Variants in GEMIN5 observed in about 807,000 individuals in gnomAD.
The protein encoded by GEMIN5 is gem-associated protein 5.
In GEMIN5, 124 loss-of-function variants were observed where a neutral mutation model predicts 176.9. That is an observed-to-expected ratio of 0.70 (90% CI 0.61 to 0.81). The LOEUF is 0.81. Among genes scored for constraint, GEMIN5 ranks in the 40% least tolerant of loss-of-function variants. The probability of loss-of-function intolerance (pLI) is 0.00; values close to 1 mark genes in which losing one functional copy is unlikely to be tolerated. For missense variants in GEMIN5, 1,843 were observed against 1,814.6 expected, an observed-to-expected ratio of 1.02 and a Z score of -0.28; for synonymous variants, 673 against 665.2, an observed-to-expected ratio of 1.01 and a Z score of -0.18.
chr5:154,918,508 T>A (rs548675737), intron 11 of GEMIN5, among the ~76,000 whole-genome samples: 1 of 152,298 alleles, frequency 6.6e-6, no homozygotes, highest in South Asian at 2.1e-4. Context: ...ATCTTTATTG[T>A]GAAGGGATTC....
chr5:154,915,912 C>T lies in GEMIN5; in HGVS notation c.1855+1086G>A, dbSNP rs76818494. Among the ~76,000 whole-genome samples, 278 of 151,690 alleles carry T rather than the reference C, an allele frequency of 1.8e-3. 4 individuals are homozygous for T. In the East Asian group the frequency reaches 0.024, roughly 13 times the overall value. On this transcript the variant is annotated intron_variant, in intron 13 of 27. Transcript: ENST00000285873. ...TACAAAAATTATTCATTCATGTTCA[C>T]GAAGATCTATGTATAAGGCAGTTTA...
At chr5:154,937,249 C>T in intron 1 of GEMIN5, 64 bp from the exon 2 acceptor site, 2 of 1,367,976 alleles carry the variant, frequency 1.5e-6, no homozygotes, top group East Asian at 2.4e-5. Context: ...CAGAATCATA[C>T]TGTTGTTGGA....
chr5:154,936,075 T>A (rs1003627932), intron 2 of GEMIN5, 53 bp from the exon 3 acceptor site: 99 of 1,127,536 alleles, frequency 8.8e-5, no homozygotes, highest in Middle Eastern at 4.5e-4. Flanking sequence ...TCTACTTAAT[T>A]TTTAACTTGT....
chr5:154,916,961 A>C (rs1029323779), intron 13 of GEMIN5, 37 bp downstream of exon 13: 25 of 1,207,406 alleles, frequency 2.1e-5, no homozygotes, highest in Non-Finnish European at 2.7e-5. Flanking sequence ...AGCTGAACAA[A>C]CGATATCATC....
intron 22 of GEMIN5, 119 bp from the exon 23 acceptor site, chr5:154,898,769 G>C: frequency 2.5e-6 from 2 of 800,266 alleles, no homozygotes; most frequent in Non-Finnish European, 4.1e-6. Flanking sequence ...GTGGTCCCAG[G>C]TATGTCACTG....
intron 16 of GEMIN5, among the ~76,000 whole-genome samples, chr5:154,906,488 G>C (rs1045858801): frequency 1.9e-4 from 29 of 152,176 alleles, no homozygotes; most frequent in Non-Finnish European, 2.9e-5. Flanking sequence ...ATGCAATATG[G>C]TGTCACAATC....
intron 13 of GEMIN5, among the ~76,000 whole-genome samples, chr5:154,915,511 T>C (rs1018897818): frequency 2.6e-5 from 4 of 152,218 alleles, no homozygotes; most frequent in African/African-American, 9.6e-5. Context: ...ATTATACCCA[T>C]ATGAAAGTTA....
intron 26 of GEMIN5, 136 bp downstream of exon 26, chr5:154,891,105 G>A (rs1019034398): frequency 4.0e-5 from 12 of 297,024 alleles, no homozygotes; most frequent in Non-Finnish European, 5.6e-5. Flanking sequence ...TTTTTTGCCC[G>A]GGCTGGTGGT....
chr5:154,912,603 C>A (rs768746242), intron 14 of GEMIN5, among the ~76,000 whole-genome samples: 1 of 151,992 alleles, frequency 6.6e-6, no homozygotes, highest in Non-Finnish European at 1.5e-5. Context: ...GAGTACTTTG[C>A]ATATCATATT....
chr5:154,892,346 T>C (rs776314738), intron 25 of GEMIN5, 41 bp downstream of exon 25: 6 of 1,514,956 alleles, frequency 4.0e-6, no homozygotes, highest in Admixed American at 1.7e-5. Flanking sequence ...GGTGATGTTG[T>C]CCATTAAAGG....
chr5:154,925,258 A>G (rs1023235057), intron 8 of GEMIN5, among the ~76,000 whole-genome samples: 1 of 152,236 alleles, frequency 6.6e-6, no homozygotes, highest in African/African-American at 2.4e-5. Context: ...GATAGATCAT[A>G]AACTGTCCAC....
At chr5:154,893,818 A>T (rs949730551) in intron 24 of GEMIN5, among the ~76,000 whole-genome samples, 17 of 152,204 alleles carry the variant, frequency 1.1e-4, no homozygotes, top group African/African-American at 3.1e-4. Context: ...ATCTCGGCTC[A>T]CTGTAAGCTT....
intron 18 of GEMIN5, among the ~76,000 whole-genome samples, chr5:154,903,744 T>C (rs1582657129): frequency 6.6e-6 from 1 of 151,964 alleles, no homozygotes; most frequent in East Asian, 1.9e-4. Context: ...TGGGAGACAG[T>C]AACCGGGAGG....
rs1342786831 is a variant in GEMIN5, at chr5:154,888,185, C to T, written c.*25G>A. ...AAGATGTCAAACATTTTCAATTTGGCAGTTTCTTCAAGGTGTGTGAAAATT... is the reference window on the plus strand; with the variant it reads ...AAGATGTCAAACATTTTCAATTTGGTAGTTTCTTCAAGGTGTGTGAAAATT... On this transcript the variant is annotated 3_prime_UTR_variant, in exon 28 of 28. Transcript: ENST00000285873. 3 of 1,609,232 alleles carry T rather than the reference C, an allele frequency of 1.9e-6. No individual in the cohort carries two copies. The highest frequency in any genetic ancestry group is 2.6e-6 in the Non-Finnish European group (3 of 1,176,020).
In GEMIN5 at chr5:154,907,724, C is replaced by T. The variant is rs771632608; in HGVS notation, c.2262G>A (p.Lys754=). The change falls in exon 16 of 28, where the codon AAG becomes AAA. Residue 754 remains lysine (K), a synonymous_variant. Coordinates refer to ENST00000285873, the MANE Select transcript of GEMIN5 (RefSeq NM_015465.5). ...CTTCATTTCCATCAATCGATTCCAG[C>T]TTTACAGGAGTTCTCAAGGTGGGCT... ...KKKPTLRTPV[K]LESIDGNEEE... is the part of the protein sequence containing the mutation. The T allele has an allele frequency of 1.2e-6, 2 of 1,614,016 alleles. No individual in the cohort carries two copies. The highest frequency in any genetic ancestry group is 2.7e-5 in the African/African-American group (2 of 74,922).
chr5:154,899,341 C>A (rs1763419726), intron 21 of GEMIN5, 31 bp from the exon 22 acceptor site: 1 of 1,578,966 alleles, frequency 6.3e-7, no homozygotes, highest in South Asian at 1.2e-5. Context: ...TTTAGCCAAT[C>A]TGAAAAGGCT....
In GEMIN5 at chr5:154,919,958, A is replaced by G. The variant is rs200833094; in HGVS notation, c.1599+9T>C. The G allele has an allele frequency of 4.7e-5, 75 of 1,611,910 alleles. No individual in the cohort carries two copies. Among genetic ancestry groups the G allele is most frequent in the Non-Finnish European group, 5.9e-5 (69 of 1,179,156 alleles). ...AAAAAGAAAATACTTCAGGACCACAAGAACTCACTTTGATTGAATTGGTGT... is the reference window on the plus strand; with the variant it reads ...AAAAAGAAAATACTTCAGGACCACAGGAACTCACTTTGATTGAATTGGTGT... On this transcript the variant is annotated intron_variant, in intron 11 of 27. Transcript: ENST00000285873.
chr5:154,927,453 A>G lies in GEMIN5; in HGVS notation c.1012T>C (p.Phe338Leu). Residue 338 changes from phenylalanine (F) to leucine (L), a missense_variant, in exon 7 of 28, where the codon TTT becomes CTT. Phe to Leu is a conservative substitution (Grantham distance 22). Coordinates refer to ENST00000285873, the MANE Select transcript of GEMIN5 (RefSeq NM_015465.5). ...SEGQNHSRIV[F>L]NLCPLQTEDD... is the part of the protein sequence containing the mutation. Reference sequence around the variant, plus strand: ...TCTGTTTGTAAAGGACATAAATTAAACACAATTCTTGAATGATTTTGCCCT... The same window carrying G: ...TCTGTTTGTAAAGGACATAAATTAAGCACAATTCTTGAATGATTTTGCCCT... 1 of 1,600,268 alleles carries G rather than the reference A, an allele frequency of 6.2e-7. No homozygotes were observed. Among genetic ancestry groups the G allele is most frequent in the Non-Finnish European group, 8.6e-7 (1 of 1,167,182 alleles).
chr5:154,928,729 T>C, intron 5 of GEMIN5, 70 bp from the exon 6 acceptor site: 2 of 1,378,414 alleles, frequency 1.5e-6, no homozygotes, highest in South Asian at 2.3e-5. Flanking sequence ...CACCGGTGGT[T>C]CATAACACAC....
Sources: gnomAD v4.1 joint callset for allele counts (sites outside exome capture counted in the v4.1 genomes callset) on GRCh38, gnomAD v4.1.1 for gene constraint, MANE v1.5 for transcripts, NCBI Gene and HGNC (gene_info 2026-07-23, HGNC 2026-07-21) for gene names.